The following SPG7 variants were observed in gnomAD, a reference collection of about 807,000 sequenced individuals.
SPG7 encodes the protein SPG7 matrix AAA peptidase subunit, paraplegin, also known as mitochondrial inner membrane m-AAA protease component paraplegin.
In SPG7, 103 loss-of-function variants were observed where a neutral mutation model predicts 81.9. The observed-to-expected ratio is 1.26, with a 90% CI of 1.07 to 1.48. The LOEUF is 1.48. Among genes scored for constraint, SPG7 ranks in the 40% most tolerant of loss-of-function variants. The pLI is 0.00. For missense variants in SPG7, 1,241 were observed against 1,087.3 expected (o/e 1.14, Z -1.99); for synonymous variants, 534 against 444.2 (o/e 1.20, Z -2.54).
At chr16:89,535,459 C>T (rs1423240506) in intron 9 of SPG7, among the ~76,000 whole-genome samples, 1 of 152,224 alleles carries the variant, frequency 6.6e-6, no homozygotes, top group Non-Finnish European at 1.5e-5. Context: ...CTTCACACCT[C>T]TCCTGCTGCT....
chr16:89,530,879 T>C lies in SPG7; in HGVS notation c.987+71T>C, dbSNP rs1263725956. On this transcript the variant is annotated intron_variant, in intron 7 of 16. Transcript: ENST00000645818. The stretch of plus-strand genomic sequence containing the variant: ...CGTCCTCCTCTCCCAGAAGGGCTCC[T>C]GCGGGACCTGGAATTCCATCGATGA... 4.4e-6 allele frequency: 7 copies of C among 1,602,354 alleles called. No individual in the cohort carries two copies. In the East Asian group the frequency reaches 1.1e-4, roughly 26 times the overall value.
At chr16:89,544,594 T>TA in intron 9 of SPG7, 54 bp from the exon 10 acceptor site, 2 of 1,609,742 alleles carry the variant, frequency 1.2e-6, no homozygotes, top group Non-Finnish European at 1.7e-6. Flanking sequence ...GCAGGGGAAA[T>TA]CTGTTGTGTC....
intron 9 of SPG7, among the ~76,000 whole-genome samples, chr16:89,536,586 GAGGTGAGGC>G (rs1274361044): frequency 7.0e-6 from 1 of 142,018 alleles, no homozygotes; most frequent in African/African-American, 2.8e-5. Context: ...TGAGGCGGGT[GAGGTGAGGC>G]AGGTGAGGTG....
intron 1 of SPG7, chr16:89,508,893 A>C: frequency 1.6e-6 from 1 of 610,180 alleles, no homozygotes; most frequent in Non-Finnish European, 3.1e-6. Flanking sequence ...CTCGCCTTTT[A>C]AAGTGGAATC....
At chr16:89,537,442 A>G (rs1204997835) in intron 9 of SPG7, 3 of 1,019,222 alleles carry the variant, frequency 2.9e-6, no homozygotes, top group African/African-American at 1.7e-5. Flanking sequence ...GCCTCCCTTC[A>G]ACGTAGTCAT....
intron 5 of SPG7, 23 bp from the exon 6 acceptor site, chr16:89,529,454 C>T: frequency 1.3e-6 from 2 of 1,537,540 alleles, no homozygotes; most frequent in Non-Finnish European, 1.8e-6. Context: ...TGAGCCTGTG[C>T]CTGCCTCTCT....
At chr16:89,539,855 G>GTGA (rs2152407226) in intron 9 of SPG7, 1 of 152,324 alleles carries the variant, frequency 6.6e-6, no homozygotes, top group African/African-American at 2.4e-5. Flanking sequence ...GAATACAGGT[G>GTGA]TGAGCCCCCA....
intron 10 of SPG7, chr16:89,546,212 G>A (rs1208570901): frequency 4.6e-5 from 14 of 307,036 alleles, no homozygotes; most frequent in Non-Finnish European, 5.1e-5. Flanking sequence ...TCAGCCTCCC[G>A]AGTAGCTGGG....
intron 16 of SPG7, 29 bp downstream of exon 16, chr16:89,554,592 C>T (rs368495277): frequency 4.3e-5 from 65 of 1,520,364 alleles, no homozygotes; most frequent in Non-Finnish European, 5.0e-5. Context: ...GTGGGGGCTA[C>T]GGCGTCACAC....
intron 3 of SPG7, among the ~76,000 whole-genome samples, chr16:89,514,880 T>TTGGCCTCCCA (rs1422229860): frequency 6.6e-6 from 1 of 151,568 alleles, no homozygotes; most frequent in Non-Finnish European, 1.5e-5. Flanking sequence ...TTCACCCACC[T>TTGGCCTCCCA]TGGCCTCCCA....
intron 15 of SPG7, 156 bp from the exon 16 acceptor site, chr16:89,554,330 C>T: frequency 1.5e-6 from 1 of 688,434 alleles, no homozygotes; most frequent in Non-Finnish European, 2.6e-6. Context: ...TTTCCTGGCA[C>T]TGGTCACAGG....
rs545353626 is a variant in SPG7 at position 89,520,297 on chromosome 16, G to A, written c.377-3709G>A. 2 of 156,336 alleles carry A rather than the reference G, an allele frequency of 1.3e-5. 1 individual carries two copies. The highest frequency in any genetic ancestry group is 3.8e-4 in the East Asian group (2 of 5,274). 9.7% of individuals were successfully genotyped at this position (156,336 alleles called of 1,614,324 possible). A position where few individuals can be genotyped will look rare whatever the true frequency, so the allele number is the denominator to read the frequency against. On this transcript the variant is annotated intron_variant, in intron 3 of 16. Coordinates refer to ENST00000645818, the MANE Select transcript of SPG7 (RefSeq NM_003119.4). ...AGTGGAAGGGACGCGCTGGGCGTTT[G>A]GGTTGAACAGAAGTTAAGGACTTCA...
chr16:89,532,572 C>T lies in SPG7; in HGVS notation c.1260C>T (p.Thr420=). 1.2e-6 allele frequency: 2 copies of T among 1,613,812 alleles called. No individual in the cohort carries two copies. The highest frequency in any genetic ancestry group is 1.7e-5 in the Admixed American group (1 of 60,026). ...IDAVGKKRST[T]MSGFSNTEEE... ...CGGTGGGCAAGAAGCGCTCCACCAC[C>T]ATGTCCGGCTTCTCCAACACGGAGG... is the stretch of plus-strand genomic sequence containing the variant. The change falls in exon 9 of 17, where the codon ACC becomes ACT. Residue 420 remains threonine (T), a synonymous_variant. Transcript: ENST00000645818.
chr16:89,529,389 A>T, intron 5 of SPG7, 88 bp from the exon 6 acceptor site: 1 of 832,020 alleles, frequency 1.2e-6, no homozygotes, highest in Non-Finnish European at 2.0e-6. Flanking sequence ...CATCTTGGAA[A>T]CATTGCCAGC....
At chr16:89,516,751 G>C (rs1426557732) in intron 3 of SPG7, 1 of 151,316 alleles carries the variant, frequency 6.6e-6, no homozygotes, top group African/African-American at 2.4e-5. Context: ...TGTAACCCCA[G>C]CTAGTCGGGA....
intron 6 of SPG7, chr16:89,530,470 T>C (rs2058326260): frequency 1.6e-6 from 1 of 629,246 alleles, no homozygotes; most frequent in African/African-American, 1.8e-5. Context: ...AGCAAATTGC[T>C]AGATAAGTTT....
chr16:89,525,824 C>A (rs1319551618), intron 4 of SPG7, among the ~76,000 whole-genome samples: 1 of 152,164 alleles, frequency 6.6e-6, no homozygotes, highest in East Asian at 1.9e-4. Flanking sequence ...CATCCTCAGT[C>A]CCGTGCTGCA....
chr16:89,532,747 G>A (rs937154053), intron 9 of SPG7, 111 bp downstream of exon 9: 5 of 1,321,364 alleles, frequency 3.8e-6, no homozygotes, highest in Admixed American at 1.8e-5. Flanking sequence ...TCCGGCCTGG[G>A]TGACAGAGTG....
chr16:89,513,161 A>T, intron 3 of SPG7, 124 bp downstream of exon 3: 1 of 1,410,334 alleles, frequency 7.1e-7, no homozygotes, highest in Non-Finnish European at 9.7e-7. Flanking sequence ...AGTGGCTCAC[A>T]CTTGTAATCG....
Sources: allele counts gnomAD v4.1 joint callset (sites outside exome capture counted in the v4.1 genomes callset), GRCh38; gene constraint gnomAD v4.1.1; transcripts MANE v1.5; gene names NCBI Gene and HGNC (gene_info 2026-07-23, HGNC 2026-07-21).